The following OC90 variants were observed in gnomAD, a reference collection of about 807,000 sequenced individuals.
OC90 encodes otoconin 90.
In OC90, 46 loss-of-function variants were observed where a neutral mutation model predicts 47.3. The observed-to-expected ratio is 0.97, with a 90% CI of 0.77 to 1.24. The LOEUF is 1.24. OC90 is among the 50% of genes most tolerant of loss of function. The pLI, the probability that OC90 is intolerant of heterozygous loss-of-function variation, is 0.00. For missense variants in OC90, 688 were observed against 583.9 expected (o/e 1.18, Z -1.84); for synonymous variants, 271 against 219.5 (o/e 1.23, Z -2.07).
chr8:132,034,436 C>T (rs969194690), intron 10 of OC90, among the ~76,000 whole-genome samples: 7 of 152,184 alleles, frequency 4.6e-5, no homozygotes, highest in South Asian at 4.1e-4. Flanking sequence ...CCAGCTAGAA[C>T]GTTCTACAAG....
intron 2 of OC90, among the ~76,000 whole-genome samples, chr8:132,048,114 G>A (rs1301806292): frequency 1.3e-5 from 2 of 152,138 alleles, no homozygotes; most frequent in East Asian, 1.9e-4. Flanking sequence ...CTGGTGCCTC[G>A]ATCTGAGACT....
chr8:132,038,995 C>T lies in OC90; in HGVS notation c.586G>A (p.Glu196Lys). ...DTSFCLAQTP[E>K]TTIKEDLTTL... Reference sequence around the variant, plus strand: ...GCTGATGCAGCCAGGTTCTTCCTACCTGGAGTCTGAGCCAGGCAGAAGGAG... The same window carrying T: ...GCTGATGCAGCCAGGTTCTTCCTACTTGGAGTCTGAGCCAGGCAGAAGGAG... The change falls in exon 7 of 14, where the codon GAG becomes AAG. Residue 196 changes from glutamate to lysine, a missense_variant and splice_region_variant. By Grantham distance (56) the Glu-to-Lys change is moderately conservative (BLOSUM62 1). Coordinates refer to ENST00000254627, the MANE Select transcript of OC90 (RefSeq NM_001080399.3). 1.2e-6 allele frequency: 2 copies of T among 1,613,976 alleles called. No homozygotes were observed. The highest frequency in any genetic ancestry group is 1.7e-6 in the Non-Finnish European group (2 of 1,179,892).
chr8:132,029,469 G>T (rs905876545), intron 12 of OC90, among the ~76,000 whole-genome samples: 2 of 152,150 alleles, frequency 1.3e-5, no homozygotes, highest in East Asian at 3.8e-4. Flanking sequence ...GGCAAAGATA[G>T]GTTATTTACA....
chr8:132,028,428 G>A (rs1281243056), intron 13 of OC90, among the ~76,000 whole-genome samples: 1 of 151,880 alleles, frequency 6.6e-6, no homozygotes, highest in African/African-American at 2.4e-5. Flanking sequence ...CTGGAATCAG[G>A]GGGTTAGAGG....
chr8:132,034,392 A>C (rs1381680026), intron 10 of OC90, among the ~76,000 whole-genome samples: 1 of 152,232 alleles, frequency 6.6e-6, no homozygotes, highest in Non-Finnish European at 1.5e-5. Flanking sequence ...TGAATGAGAA[A>C]ATAGCCATAC....
chr8:132,041,002 C>A, intron 6 of OC90, 42 bp downstream of exon 6: 1 of 1,233,738 alleles, frequency 8.1e-7, no homozygotes, highest in South Asian at 1.2e-5. Flanking sequence ...CCTGGACTGT[C>A]ATTTCTGGGC....
intron 2 of OC90, among the ~76,000 whole-genome samples, chr8:132,050,690 A>G (rs779903859): frequency 6.6e-6 from 1 of 152,116 alleles, no homozygotes; most frequent in Non-Finnish European, 1.5e-5. Flanking sequence ...CAAACACAAA[A>G]TGACTCAATG....
intron 2 of OC90, chr8:132,049,712 T>A: frequency 2.2e-6 from 1 of 456,812 alleles, no homozygotes; most frequent in Middle Eastern, 3.7e-4. Flanking sequence ...TTTTTAGCTA[T>A]ATAACCTTCT....
intron 2 of OC90, among the ~76,000 whole-genome samples, chr8:132,052,677 C>T: frequency 6.6e-6 from 1 of 152,214 alleles, no homozygotes; most frequent in East Asian, 1.9e-4. Context: ...TAGGGAGATG[C>T]ATGGTCAGAG....
intron 1 of OC90, among the ~76,000 whole-genome samples, chr8:132,055,751 G>A (rs1823272746): frequency 6.6e-6 from 1 of 152,150 alleles, no homozygotes; most frequent in Non-Finnish European, 1.5e-5. Context: ...ACTCCTCGGA[G>A]GATGCTTTGG....
chr8:132,026,733 C>A (rs564700377), intron 13 of OC90, among the ~76,000 whole-genome samples: 1 of 152,302 alleles, frequency 6.6e-6, no homozygotes, highest in South Asian at 2.1e-4. Context: ...GGCTTCAGCC[C>A]AGCAGGTGAG....
At chr8:132,046,297 C>T (rs1046101857) in intron 2 of OC90, among the ~76,000 whole-genome samples, 1 of 152,060 alleles carries the variant, frequency 6.6e-6, no homozygotes, top group Non-Finnish European at 1.5e-5. Flanking sequence ...AGGGTTTTCC[C>T]CAGATTATCA....
intron 4 of OC90, among the ~76,000 whole-genome samples, chr8:132,042,202 T>A (rs1823064135): frequency 6.6e-6 from 1 of 152,188 alleles, no homozygotes; most frequent in Non-Finnish European, 1.5e-5. Flanking sequence ...AGCAACCACA[T>A]TATAATCAGG....
intron 7 of OC90, 70 bp from the exon 8 acceptor site, chr8:132,038,901 C>G (rs1823009328): frequency 6.3e-7 from 1 of 1,599,958 alleles, no homozygotes; most frequent in South Asian, 1.1e-5. Context: ...AGATGCTGGA[C>G]TTGGCATCTA....
At chr8:132,027,344 G>C (rs971660907) in intron 13 of OC90, among the ~76,000 whole-genome samples, 1 of 152,202 alleles carries the variant, frequency 6.6e-6, no homozygotes, top group African/African-American at 2.4e-5. Context: ...GAATGAATGA[G>C]AGAGTGATAT....
In OC90 at chr8:132,024,395, A is replaced by G; in HGVS notation, c.*86T>C. On this transcript the variant is annotated 3_prime_UTR_variant, in exon 14 of 14. Transcript: ENST00000254627. ...AGTTAAAGGAAGGGAAGAAGGCTCC[A>G]AGGGACAGAGGAGGCTGAGAGATAA... 8.9e-7 allele frequency: 1 copy of G among 1,123,274 alleles called. No individual in the cohort carries two copies. The highest frequency in any genetic ancestry group is 1.7e-5 in the South Asian group (1 of 59,960). The allele number at this position is 1,123,274 out of a possible 1,614,324, so 69.6% of individuals were successfully genotyped here. A position where few individuals can be genotyped will look rare whatever the true frequency, so the allele number is the denominator to read the frequency against.
chr8:132,032,896 G>A (rs1822896416), intron 11 of OC90, 143 bp downstream of exon 11: 1 of 923,910 alleles, frequency 1.1e-6, no homozygotes, highest in East Asian at 2.7e-5. Context: ...GAGCCTCAAG[G>A]TGCTCATGCA....
chr8:132,028,702 G>GAGAGAC (rs1563727691), intron 13 of OC90, among the ~76,000 whole-genome samples: 1 of 62,782 alleles, frequency 1.6e-5, no homozygotes, highest in African/African-American at 5.2e-5. Flanking sequence ...GAAAGAAAGA[G>GAGAGAC]AGACAGAAAG....
intron 4 of OC90, among the ~76,000 whole-genome samples, chr8:132,043,821 A>G (rs1433631455): frequency 6.6e-6 from 1 of 152,254 alleles, no homozygotes. Flanking sequence ...TAGTTATACA[A>G]ACAGTTTAAG....
Sources: allele counts gnomAD v4.1 joint callset (sites outside exome capture counted in the v4.1 genomes callset), GRCh38; gene constraint gnomAD v4.1.1; transcripts MANE v1.5; gene names NCBI Gene and HGNC (gene_info 2026-07-23, HGNC 2026-07-21).